Variants in PHF20L1 observed in about 807,000 individuals in gnomAD.
The protein encoded by PHF20L1 is PHD finger protein 20-like protein 1.
In PHF20L1, 44 loss-of-function variants were observed where a neutral mutation model predicts 125.5. The ratio of observed to expected loss-of-function variants is 0.35; its 90% CI spans 0.28 to 0.45. PHF20L1 has a LOEUF of 0.45. Among genes scored for constraint, PHF20L1 ranks in the 20% least tolerant of loss-of-function variants. The probability of loss-of-function intolerance (pLI) is 1.00; values close to 1 mark genes in which losing one functional copy is unlikely to be tolerated. For synonymous variants in PHF20L1, 380 were observed against 403.1 expected (o/e 0.94, Z 0.69); for missense variants, 1,012 against 1,217.2 (o/e 0.83, Z 2.51).
intron 2 of PHF20L1, among the ~76,000 whole-genome samples, chr8:132,786,472 A>G (rs1831038748): frequency 6.6e-6 from 1 of 152,144 alleles, no homozygotes; most frequent in Admixed American, 6.5e-5. Flanking sequence ...TAAAATTTTA[A>G]GAAAAAAATA....
intron 2 of PHF20L1, among the ~76,000 whole-genome samples, chr8:132,791,065 T>C (rs1831631896): frequency 6.6e-6 from 1 of 152,146 alleles, no homozygotes; most frequent in South Asian, 2.1e-4. Flanking sequence ...ATCTGTTAAA[T>C]GTACACTATG....
intron 1 of PHF20L1, among the ~76,000 whole-genome samples, chr8:132,776,123 C>T (rs1232414446): frequency 2.6e-5 from 4 of 152,136 alleles, no homozygotes; most frequent in Admixed American, 6.5e-5. Flanking sequence ...CTTGTTTTTG[C>T]TTCAAGTTTT....
At chr8:132,802,337 C>CT (rs999171604) in intron 6 of PHF20L1, among the ~76,000 whole-genome samples, 1 of 151,502 alleles carries the variant, frequency 6.6e-6, no homozygotes, top group African/African-American at 2.4e-5. Flanking sequence ...AGCCTTTTCT[C>CT]TTTTTCCACT....
intron 14 of PHF20L1, among the ~76,000 whole-genome samples, chr8:132,830,243 C>T (rs1210337284): frequency 2.0e-5 from 3 of 151,998 alleles, no homozygotes; most frequent in Non-Finnish European, 4.4e-5. Context: ...TCTTGTTTCA[C>T]TCTCACGTCA....
At chr8:132,785,537 C>G (rs1449411270) in intron 2 of PHF20L1, among the ~76,000 whole-genome samples, 1 of 152,086 alleles carries the variant, frequency 6.6e-6, no homozygotes, top group Non-Finnish European at 1.5e-5. Context: ...CAGCTTAGTT[C>G]TGCTGTTCTT....
At chr8:132,832,696 C>T (rs1212213444) in intron 15 of PHF20L1, among the ~76,000 whole-genome samples, 1 of 152,054 alleles carries the variant, frequency 6.6e-6, no homozygotes, top group Non-Finnish European at 1.5e-5. Context: ...GTATTATTCA[C>T]ATTTGATATA....
intron 19 of PHF20L1, chr8:132,843,337 T>A (rs1254638638): frequency 1.0e-5 from 10 of 981,190 alleles, no homozygotes; most frequent in Non-Finnish European, 1.2e-5. Context: ...CTGACAGATC[T>A]ATGTGCATTG....
intron 12 of PHF20L1, among the ~76,000 whole-genome samples, chr8:132,821,193 A>G (rs1184419616): frequency 6.6e-6 from 1 of 151,942 alleles, no homozygotes; most frequent in Non-Finnish European, 1.5e-5. Flanking sequence ...AATGAAATGT[A>G]GATGCAAGTA....
chr8:132,781,675 C>T (rs1349411385), intron 2 of PHF20L1, among the ~76,000 whole-genome samples: 1 of 152,180 alleles, frequency 6.6e-6, no homozygotes, highest in Admixed American at 6.5e-5. Flanking sequence ...TTGTGATGTG[C>T]CTGCCTCAGT....
intron 12 of PHF20L1, among the ~76,000 whole-genome samples, chr8:132,819,435 A>T (rs1835334648): frequency 6.6e-6 from 1 of 151,634 alleles, no homozygotes; most frequent in Non-Finnish European, 1.5e-5. Context: ...TGTTTCTGTG[A>T]CCTCTTAATT....
intron 8 of PHF20L1, among the ~76,000 whole-genome samples, chr8:132,805,255 C>T (rs1833551139): frequency 6.6e-6 from 1 of 151,728 alleles, no homozygotes; most frequent in Admixed American, 6.6e-5. Flanking sequence ...AATTTTTACT[C>T]TTCAGGTTGG....
chr8:132,817,528 G>T lies in PHF20L1; in HGVS notation c.1562G>T (p.Gly521Val). 1 of 1,611,220 alleles carries T rather than the reference G, an allele frequency of 6.2e-7. No homozygotes were observed. The change falls in exon 12 of 21, where the codon GGA becomes GTA. Residue 521 changes from glycine (G) to valine (V), a missense_variant. Physicochemically the swap from Gly to Val is moderately radical, Grantham distance 109. Coordinates refer to ENST00000395386, the MANE Select transcript of PHF20L1 (RefSeq NM_016018.5). ...TCCAAAGCAATAGCTGATGGAAGAGGAGCTCCAGCAGCAGCAGGTAAAAGA... is the reference window on the plus strand; with the variant it reads ...TCCAAAGCAATAGCTGATGGAAGAGTAGCTCCAGCAGCAGCAGGTAAAAGA... ...PSSKAIADGR[G>V]APAAAGISKT...
At chr8:132,794,343 A>G (rs769065067) in intron 2 of PHF20L1, 67 bp from the exon 3 acceptor site, 3 of 927,140 alleles carry the variant, frequency 3.2e-6, no homozygotes, top group South Asian at 1.6e-5. Context: ...AGCTAAATCT[A>G]TGTATAATGC....
intron 1 of PHF20L1, among the ~76,000 whole-genome samples, chr8:132,777,500 G>A (rs1829953103): frequency 1.3e-5 from 2 of 152,196 alleles, no homozygotes; most frequent in African/African-American, 4.8e-5. Context: ...AAGCTCAAAT[G>A]TAAAGCATTT....
At chr8:132,783,817 A>G (rs1447943598) in intron 2 of PHF20L1, among the ~76,000 whole-genome samples, 1 of 152,174 alleles carries the variant, frequency 6.6e-6, no homozygotes, top group African/African-American at 2.4e-5. Flanking sequence ...AAATAAATGA[A>G]TTACATACTA....
chr8:132,840,760 T>A (rs1471720867), intron 18 of PHF20L1, among the ~76,000 whole-genome samples: 2 of 152,140 alleles, frequency 1.3e-5, no homozygotes, highest in African/African-American at 4.8e-5. Flanking sequence ...CAACTAGAGT[T>A]GACCATGTTC....
intron 2 of PHF20L1, among the ~76,000 whole-genome samples, chr8:132,787,714 G>A (rs993570455): frequency 6.6e-6 from 1 of 152,150 alleles, no homozygotes; most frequent in South Asian, 2.1e-4. Flanking sequence ...ATTGTAGTAT[G>A]TGATACCGTT....
Position 132,798,774 on chromosome 8 carries a change from A to G in PHF20L1, c.343A>G (p.Thr115Ala). 6.3e-7 allele frequency: 1 copy of G among 1,595,140 alleles called. No homozygotes were observed. Among genetic ancestry groups the G allele is most frequent in the Non-Finnish European group, 8.6e-7 (1 of 1,165,688 alleles). The change falls in exon 5 of 21, where the codon ACA (threonine) becomes GCA (alanine). Residue 115 changes from threonine (T) to alanine (A), a missense_variant and splice_region_variant. Thr to Ala is a moderately conservative substitution (Grantham distance 58). This residue lies in a region of PHF20L1 where 94 missense variants were observed against 179.5 expected (regional missense o/e 0.52). Coordinates refer to ENST00000395386, the MANE Select transcript of PHF20L1 (RefSeq NM_016018.5). ...ATTCTGACTTGCTCCTGTTTCAGGA[A>G]CATTTACAGTTCAGTTTTATGATGG... ...AKIEAINKEG[T>A]FTVQFYDGVI...
chr8:132,836,653 G>T lies in PHF20L1; in HGVS notation c.2023G>T (p.Asp675Tyr). 1 of 1,613,192 alleles carries T rather than the reference G, an allele frequency of 6.2e-7. No individual in the cohort carries two copies. Residue 675 changes from aspartate (D) to tyrosine (Y), a missense_variant, in exon 16 of 21, where the codon GAT becomes TAT. Physicochemically the swap from Asp to Tyr is radical, Grantham distance 160 (BLOSUM62 -3). Coordinates refer to ENST00000395386, the MANE Select transcript of PHF20L1 (RefSeq NM_016018.5). ...STNFEESQDE[D>Y]DALNEIVRCI... ...CAATTTTGAGGAATCTCAGGATGAG[G>T]ATGATGCTCTTAATGAAATTGTGCG...
Sources: gnomAD v4.1 joint callset for allele counts (sites outside exome capture counted in the v4.1 genomes callset) on GRCh38, gnomAD v4.1.1 for gene constraint, gnomAD v4.1.1 regional missense constraint, MANE v1.5 for transcripts, NCBI Gene and HGNC (gene_info 2026-07-23, HGNC 2026-07-21) for gene names.